The following NTRK1 variants were observed in gnomAD, a reference collection of about 807,000 sequenced individuals.
NTRK1 encodes the protein high affinity nerve growth factor receptor.
In NTRK1, 62 loss-of-function variants were observed where a neutral mutation model predicts 86.8. The observed-to-expected ratio is 0.71, with a 90% CI of 0.58 to 0.88. The LOEUF (loss-of-function observed/expected upper bound fraction) is 0.88, where lower values mean the gene tolerates loss of function less well. Among genes scored for constraint, NTRK1 ranks in the 40% least tolerant of loss-of-function variants. The pLI is 0.00. For missense variants in NTRK1, 967 were observed against 1,078.4 expected (o/e 0.90, Z 1.45); for synonymous variants, 469 against 456.6 (o/e 1.03, Z -0.35).
chr1:156,824,457 C>T (rs1196595540), intron 1 of NTRK1, among the ~76,000 whole-genome samples: 2 of 152,208 alleles, frequency 1.3e-5, no homozygotes, highest in African/African-American at 4.8e-5. Flanking sequence ...GGGCCACCAC[C>T]TGCTCATGCA....
At chr1:156,844,466 G>A (rs191376215) in intron 2 of NTRK1, 236 of 1,613,424 alleles carry the variant, frequency 1.5e-4, no homozygotes, top group Non-Finnish European at 6.8e-5. Flanking sequence ...GTATACCTGG[G>A]CCAAGGATGT....
intron 6 of NTRK1, among the ~76,000 whole-genome samples, chr1:156,869,279 T>C (rs1647403397): frequency 1.3e-5 from 2 of 152,028 alleles, no homozygotes; most frequent in South Asian, 4.2e-4. Context: ...AGGGTTTCAC[T>C]ACGTTGGCCA....
chr1:156,821,632 A>T, intron 1 of NTRK1, among the ~76,000 whole-genome samples: 1 of 152,186 alleles, frequency 6.6e-6, no homozygotes, highest in East Asian at 1.9e-4. Flanking sequence ...GAAGTGCAGC[A>T]AAAAACAGAC....
At chr1:156,844,218 G>T (rs1654902251) in intron 2 of NTRK1, 1 of 1,613,912 alleles carries the variant, frequency 6.2e-7, no homozygotes, top group Non-Finnish European at 8.5e-7. Context: ...AGAACGATGA[G>T]CAGCGTGAGC....
At position 156,875,672 on chromosome 1, in the gene NTRK1, G is replaced by A; in HGVS notation, c.1501+6G>A. On this transcript the variant is annotated splice_donor_region_variant and intron_variant, in intron 12 of 16. Coordinates refer to ENST00000524377, the MANE Select transcript of NTRK1 (RefSeq NM_002529.4). ...ACAATACTTCAGTGATGCCTGTGAG[G>A]GGCTATGCTGGGTCAAGGGCAGGGA... The A allele has an allele frequency of 6.2e-7, 1 of 1,610,260 alleles. No homozygotes were observed. The highest frequency in any genetic ancestry group is 8.5e-7 in the Non-Finnish European group (1 of 1,179,562).
At chr1:156,845,664 T>A in intron 2 of NTRK1, 1 of 1,610,576 alleles carries the variant, frequency 6.2e-7, no homozygotes, top group Non-Finnish European at 8.5e-7. Flanking sequence ...AAACTTCTTC[T>A]GGAACGAGGC....
At chr1:156,841,860 TG>T (rs1654802135) in intron 1 of NTRK1, 1 of 1,611,992 alleles carries the variant, frequency 6.2e-7, no homozygotes, top group African/African-American at 1.3e-5. Context: ...CTCCTGCCCC[TG>T]GGATACCTCT....
Position 156,876,203 on chromosome 1 carries a change from C to T in NTRK1, c.1625C>T (p.Ala542Val), listed in dbSNP as rs2102917854. Residue 542 changes from alanine to valine, a missense_variant, in exon 13 of 17, where the codon GCT (alanine) becomes GTT (valine). Ala to Val is a moderately conservative substitution (Grantham distance 64, BLOSUM62 0). Coordinates refer to ENST00000524377, the MANE Select transcript of NTRK1 (RefSeq NM_002529.4). ...LLPEQDKMLV[A>V]VKALKEASES... ...CCTGAGCAGGACAAGATGCTGGTGG[C>T]TGTCAAGGTGAGACCCTGCCCCGGG... The T allele has an allele frequency of 6.2e-7, 1 of 1,614,076 alleles. No individual in the cohort carries two copies. Among genetic ancestry groups the T allele is most frequent in the Non-Finnish European group, 8.5e-7 (1 of 1,180,024 alleles).
chr1:156,867,365 C>T lies in NTRK1; in HGVS notation c.428+387C>T, dbSNP rs555342185. On this transcript the variant is annotated intron_variant, in intron 4 of 16. Coordinates refer to ENST00000524377, the MANE Select transcript of NTRK1 (RefSeq NM_002529.4). ...TCACTCTGGGGGGCTGTGCCCTTCC[C>T]TCCTTGTCACCATGCTGAGAGCCCT... 1.2e-4 allele frequency among the ~76,000 whole-genome samples: 18 copies of T among 152,370 alleles called. No homozygotes were observed. The East Asian group carries it at 3.5e-3, about 29-fold the overall frequency.
intron 1 of NTRK1, among the ~76,000 whole-genome samples, chr1:156,819,143 C>T (rs1213547675): frequency 3.3e-5 from 5 of 152,114 alleles, no homozygotes; most frequent in Non-Finnish European, 5.9e-5. Context: ...GCTGGGACTA[C>T]AGGTGAGCAC....
At chr1:156,816,020 G>T in intron 1 of NTRK1, 1 of 1,614,070 alleles carries the variant, frequency 6.2e-7, no homozygotes, top group Non-Finnish European at 8.5e-7. Flanking sequence ...GTGTAGCCCA[G>T]GTTCTGGCAG....
In NTRK1 at chr1:156,881,618, T is replaced by C; in HGVS notation, c.2367T>C (p.Pro789=). 1 of 1,609,880 alleles carries C rather than the reference T, an allele frequency of 6.2e-7. No individual in the cohort carries two copies. The highest frequency in any genetic ancestry group is 8.5e-7 in the Non-Finnish European group (1 of 1,178,594). ...TGCAAGCCCTGGCCCAGGCACCTCC[T>C]GTCTACCTGGATGTCCTGGGCTAGG... ...ARLQALAQAP[P]VYLDVLG Residue 789 remains proline (P), a synonymous_variant, in exon 17 of 17, where the codon CCT becomes CCC. Coordinates refer to ENST00000524377, the MANE Select transcript of NTRK1 (RefSeq NM_002529.4).
chr1:156,836,195 C>G (rs2102846789), intron 1 of NTRK1, among the ~76,000 whole-genome samples: 1 of 152,246 alleles, frequency 6.6e-6, no homozygotes, highest in South Asian at 2.1e-4. Flanking sequence ...CCCGTCTCAT[C>G]TCCAGAAATG....
chr1:156,842,702 C>T (rs1372444726), intron 2 of NTRK1, among the ~76,000 whole-genome samples: 1 of 152,178 alleles, frequency 6.6e-6, no homozygotes, highest in Non-Finnish European at 1.5e-5. Context: ...TGATGATCAT[C>T]ACAGTCACGA....
chr1:156,861,284 TGCCCGGGCGTTCCTCCGCAGCCGCC>T (rs1235981228), intron 1 of NTRK1, 138 bp downstream of exon 1: 3 of 969,232 alleles, frequency 3.1e-6, no homozygotes, highest in African/African-American at 6.2e-5. Flanking sequence ...CCTTCGGCGC[TGCCCGGGCGTTCCTCCGCAGCCGCC>T]GCTGCCCTAG....
chr1:156,861,309 C>G lies in NTRK1; in HGVS notation c.212+163C>G, dbSNP rs12404523. On this transcript the variant is annotated intron_variant, in intron 1 of 16. Transcript: ENST00000524377. Reference sequence around the variant, plus strand: ...TGCCCGGGCGTTCCTCCGCAGCCGCCGCTGCCCTAGCAAGCTTTATGGTCA... The same window carrying G: ...TGCCCGGGCGTTCCTCCGCAGCCGCGGCTGCCCTAGCAAGCTTTATGGTCA... 8.0e-3 allele frequency among the ~76,000 whole-genome samples: 1,213 copies of G among 150,950 alleles called. 73 individuals carry two copies. The highest frequency in any genetic ancestry group is 0.07 in the Admixed American group (1,067 of 15,264).
At chr1:156,816,890 C>A (rs747940438) in intron 1 of NTRK1, 16 of 473,608 alleles carry the variant, frequency 3.4e-5, no homozygotes, top group Non-Finnish European at 5.1e-5. Context: ...ACGATTGTCC[C>A]ACCCCCGGAA....
intron 1 of NTRK1, among the ~76,000 whole-genome samples, chr1:156,824,432 G>T (rs1654270272): frequency 6.6e-6 from 1 of 152,208 alleles, no homozygotes; most frequent in African/African-American, 2.4e-5. Flanking sequence ...ATAGAGGCAG[G>T]TGATTTGGGA....
chr1:156,845,192 A>G (rs1253356915), intron 2 of NTRK1: 1 of 1,610,056 alleles, frequency 6.2e-7, no homozygotes, highest in South Asian at 1.1e-5. Context: ...CAGGCCGCTC[A>G]GCACCGCTCG....
Sources: gnomAD v4.1 joint callset for allele counts (sites outside exome capture counted in the v4.1 genomes callset) on GRCh38, gnomAD v4.1.1 for gene constraint, MANE v1.5 for transcripts, NCBI Gene and HGNC (gene_info 2026-07-23, HGNC 2026-07-21) for gene names.